Variants in P2RY8 observed in about 807,000 individuals in gnomAD.
P2RY8 encodes S-geranylgeranyl-glutathione receptor P2RY8.
In P2RY8, 6 loss-of-function variants were observed where a neutral mutation model predicts 10.0. The ratio of observed to expected loss-of-function variants is 0.60; its 90% CI spans 0.33 to 1.19. The LOEUF (loss-of-function observed/expected upper bound fraction) is 1.19, where lower values mean the gene tolerates loss of function less well. Ranked by LOEUF, P2RY8 falls within the 50% of genes most tolerant of loss-of-function variation. The probability of loss-of-function intolerance (pLI) is 0.04; values close to 1 mark genes in which losing one functional copy is unlikely to be tolerated. For missense variants in P2RY8, 456 were observed against 542.0 expected, an observed-to-expected ratio of 0.84 and a Z score of 1.58; for synonymous variants, 276 against 252.5, an observed-to-expected ratio of 1.09 and a Z score of -0.88.
At chrX:1,529,744 T>C (rs1444990310) in intron 1 of P2RY8, among the ~76,000 whole-genome samples, 2 of 152,162 alleles carry the variant, frequency 1.3e-5, no homozygotes, top group Non-Finnish European at 2.9e-5. Flanking sequence ...CCTATATCTA[T>C]TTATTTATTA....
intron 1 of P2RY8, among the ~76,000 whole-genome samples, chrX:1,480,351 G>T (rs2091920415): frequency 6.7e-6 from 1 of 150,206 alleles, no homozygotes; most frequent in African/African-American, 2.5e-5. Context: ...GAGCTGGACT[G>T]CAGTGGCACG....
At chrX:1,500,444 A>AT (rs762230853) in intron 1 of P2RY8, among the ~76,000 whole-genome samples, 3,956 of 144,622 alleles carry the variant, frequency 0.027, 121 homozygotes, top group African/African-American at 0.073. Flanking sequence ...TGCCCAGCTA[A>AT]TTTTTTTTTT....
At chrX:1,476,559 C>A (rs1462191119) in intron 1 of P2RY8, among the ~76,000 whole-genome samples, 1 of 151,114 alleles carries the variant, frequency 6.6e-6, no homozygotes, top group Non-Finnish European at 1.5e-5. Flanking sequence ...TGCACTCCAG[C>A]CTGGGTGACA....
intron 1 of P2RY8, among the ~76,000 whole-genome samples, chrX:1,467,540 C>T (rs1225913899): frequency 1.5e-4 from 23 of 152,128 alleles, no homozygotes; most frequent in South Asian, 2.1e-4. Flanking sequence ...TTGGTGTGGC[C>T]GTGGGGGACG....
rs1311540402 is a variant in P2RY8 at position 1,462,714 on chromosome X, G to C, written c.*2765C>G. On this transcript the variant is annotated 3_prime_UTR_variant, in exon 2 of 2. Transcript: ENST00000381297. ...TCCTCCCGCCTGAGCCTCCCAAAGT[G>C]CTGAGATTACCGGCATGAGCTGCCA... The C allele has an allele frequency of 5.6e-5, 13 of 233,086 alleles. No homozygotes were observed. Among genetic ancestry groups the C allele is most frequent in the Non-Finnish European group, 1.0e-4 (12 of 118,022 alleles). The allele number at this position is 233,086 out of a possible 1,614,324, so 14.4% of individuals were successfully genotyped here.
At chrX:1,519,067 C>T (rs1260645658) in intron 1 of P2RY8, among the ~76,000 whole-genome samples, 1 of 151,408 alleles carries the variant, frequency 6.6e-6, no homozygotes, top group African/African-American at 2.4e-5. Flanking sequence ...CCCCAATATT[C>T]CTCTGGTCCC....
chrX:1,512,199 T>G (rs1457798330), intron 1 of P2RY8, among the ~76,000 whole-genome samples: 1 of 152,052 alleles, frequency 6.6e-6, no homozygotes, highest in African/African-American at 2.4e-5. Context: ...GTGAAGAGTC[T>G]GAGATTAAGG....
Position 1,486,683 on chromosome X carries a change from C to G in P2RY8, c.-24-20101G>C, listed in dbSNP as rs111482039. ...CACTGTGAAGGTCCTAAATGTCCCC[C>G]AGTTATTCGCTTTAAAACGGTGAGT... is the stretch of plus-strand genomic sequence containing the variant. On this transcript the variant is annotated intron_variant, in intron 1 of 1. Coordinates refer to ENST00000381297, the MANE Select transcript of P2RY8 (RefSeq NM_178129.5). Among the ~76,000 whole-genome samples, 942 of 152,294 alleles carry G rather than the reference C, an allele frequency of 6.2e-3. 6 individuals are homozygous for G. The highest frequency in any genetic ancestry group is 0.027 in the Middle Eastern group (8 of 294).
chrX:1,493,399 A>C (rs1459962113), intron 1 of P2RY8, among the ~76,000 whole-genome samples: 1 of 13,514 alleles, frequency 7.4e-5, no homozygotes, highest in Non-Finnish European at 2.0e-4. Context: ...GAGGGAGGGA[A>C]GGAGGAAGGA....
At chrX:1,480,624 G>A (rs2091923727) in intron 1 of P2RY8, among the ~76,000 whole-genome samples, 1 of 152,088 alleles carries the variant, frequency 6.6e-6, no homozygotes, top group Admixed American at 6.6e-5. Flanking sequence ...TGAACAATGA[G>A]AACACATGGA....
Position 1,530,149 on chromosome X carries a change from G to C in P2RY8, c.-25+6772C>G, listed in dbSNP as rs867837336. Among the ~76,000 whole-genome samples, 108 of 132,092 alleles carry C rather than the reference G, an allele frequency of 8.2e-4. 1 individual carries two copies. The highest frequency in any genetic ancestry group is 2.9e-3 in the African/African-American group (91 of 31,928). 86.7% of individuals were successfully genotyped at this position (132,092 alleles called of 152,430 possible). A position where few individuals can be genotyped will look rare whatever the true frequency, so the allele number is the denominator to read the frequency against. ...TCTATGTATGTATGTATGTATGTAT[G>C]TATGTATGATCTATCTATCTATCTA... On this transcript the variant is annotated intron_variant, in intron 1 of 1. Coordinates refer to ENST00000381297, the MANE Select transcript of P2RY8 (RefSeq NM_178129.5).
chrX:1,483,960 A>ATCCCCTAAACCCAAAGCTGGGT (rs1569536985), intron 1 of P2RY8, among the ~76,000 whole-genome samples: 4 of 148,284 alleles, frequency 2.7e-5, no homozygotes, highest in Admixed American at 2.7e-4. Context: ...CAAAGCTGGG[A>ATCCCCTAAACCCAAAGCTGGGT]TCCCCTAAAC....
intron 1 of P2RY8, among the ~76,000 whole-genome samples, chrX:1,527,282 C>T (rs1241177335): frequency 5.3e-5 from 8 of 152,120 alleles, no homozygotes; most frequent in East Asian, 3.9e-4. Flanking sequence ...TTCATTCATT[C>T]ATCCACTTAT....
At chrX:1,479,932 A>G (rs2091915740) in intron 1 of P2RY8, among the ~76,000 whole-genome samples, 6 of 152,240 alleles carry the variant, frequency 3.9e-5, no homozygotes, top group Admixed American at 3.3e-4. Context: ...CAACTCACAC[A>G]AGAAGAAACA....
intron 1 of P2RY8, among the ~76,000 whole-genome samples, chrX:1,531,080 A>ATCTG (rs2092472179): frequency 1.3e-5 from 2 of 151,744 alleles, no homozygotes; most frequent in South Asian, 4.2e-4. Flanking sequence ...CTATCTATCT[A>ATCTG]TCTATCTATC....
Position 1,526,172 on chromosome X carries a change from T to C in P2RY8, c.-25+10749A>G, listed in dbSNP as rs755148489. Among the ~76,000 whole-genome samples the C allele has an allele frequency of 3.3e-5, 5 of 151,296 alleles. No individual in the cohort carries two copies. The South Asian group carries it at 8.4e-4, about 25-fold the overall frequency. On this transcript the variant is annotated intron_variant, in intron 1 of 1. Coordinates refer to ENST00000381297, the MANE Select transcript of P2RY8 (RefSeq NM_178129.5). Reference sequence around the variant, plus strand: ...GTTCACTCATTCATTCATTCATTCATCCACTCATTCATTCCTTATCCATCC... The same window carrying C: ...GTTCACTCATTCATTCATTCATTCACCCACTCATTCATTCCTTATCCATCC...
At chrX:1,477,199 A>ACG (rs59423173) in intron 1 of P2RY8, among the ~76,000 whole-genome samples, 38 of 148,366 alleles carry the variant, frequency 2.6e-4, no homozygotes, top group African/African-American at 9.3e-4. Flanking sequence ...AAAAAAAAAA[A>ACG]AAGAAGAAGA....
intron 1 of P2RY8, among the ~76,000 whole-genome samples, chrX:1,532,097 A>G (rs1195390527): frequency 6.6e-6 from 1 of 150,898 alleles, no homozygotes; most frequent in African/African-American, 2.5e-5. Context: ...TATGAAAAAG[A>G]TACTTAGAGG....
intron 1 of P2RY8, among the ~76,000 whole-genome samples, chrX:1,533,541 TTA>T (rs1221999758): frequency 3.9e-5 from 5 of 127,942 alleles, no homozygotes; most frequent in Non-Finnish European, 4.8e-5. Context: ...TATTTATTAT[TTA>T]TATATTATAT....
Sources: allele counts gnomAD v4.1 joint callset (sites outside exome capture counted in the v4.1 genomes callset), GRCh38; gene constraint gnomAD v4.1.1; transcripts MANE v1.5; gene names NCBI Gene and HGNC (gene_info 2026-07-23, HGNC 2026-07-21).